The following CNGA3 variants were observed in gnomAD, a reference collection of about 807,000 sequenced individuals.
The protein encoded by CNGA3 is cyclic nucleotide gated channel subunit alpha 3.
CNGA3 carries 42 observed loss-of-function variants against 46.6 expected under a neutral mutation model. That is an observed-to-expected ratio of 0.90 (90% CI 0.70 to 1.17). The LOEUF (loss-of-function observed/expected upper bound fraction) is 1.17, where lower values mean the gene tolerates loss of function less well. Among genes scored for constraint, CNGA3 ranks in the 50% most tolerant of loss-of-function variants. CNGA3 has a pLI of 0.00. For synonymous variants in CNGA3, 394 were observed against 369.4 expected, an observed-to-expected ratio of 1.07 and a Z score of -0.76; for missense variants, 893 against 890.7, an observed-to-expected ratio of 1.00 and a Z score of -0.03.
chr2:98,384,824 T>G (rs369795272), intron 5 of CNGA3, among the ~76,000 whole-genome samples: 27 of 152,248 alleles, frequency 1.8e-4, no homozygotes, highest in African/African-American at 6.0e-4. Flanking sequence ...ACCCGGCTCT[T>G]CAATCTTTCA....
intron 1 of CNGA3, among the ~76,000 whole-genome samples, chr2:98,352,016 CCTT>C (rs540216317): frequency 4.1e-4 from 62 of 152,302 alleles, no homozygotes; most frequent in Middle Eastern, 6.8e-3. Flanking sequence ...TCCTCTTTCT[CCTT>C]CTCTCCACTC....
At chr2:98,356,559 G>T (rs1487121267) in intron 1 of CNGA3, among the ~76,000 whole-genome samples, 2 of 152,206 alleles carry the variant, frequency 1.3e-5, no homozygotes, top group Non-Finnish European at 2.9e-5. Flanking sequence ...CCCCAAGGAT[G>T]ATGATCATTC....
rs1055121240 is a variant in CNGA3 at position 98,389,828 on chromosome 2, C to A, written c.566+54C>A. 8.2e-6 allele frequency: 12 copies of A among 1,458,690 alleles called. 1 individual carries two copies. In the South Asian group the frequency reaches 1.4e-4, roughly 17 times the overall value. 90.4% of individuals were successfully genotyped at this position (1,458,690 alleles called of 1,614,324 possible). ...GAAAGGGGGAAACCAGGGCACCAGG[C>A]CCAGGAGCCAGAGCTCCACCTCTCC... On this transcript the variant is annotated intron_variant, in intron 6 of 7. Transcript: ENST00000272602.
intron 5 of CNGA3, among the ~76,000 whole-genome samples, chr2:98,389,426 C>T (rs974978861): frequency 2.0e-5 from 3 of 152,188 alleles, no homozygotes; most frequent in African/African-American, 7.2e-5. Flanking sequence ...TTATAGTCGA[C>T]CGTGACCTCC....
At chr2:98,359,214 C>T (rs531552616) in intron 1 of CNGA3, among the ~76,000 whole-genome samples, 2 of 152,338 alleles carry the variant, frequency 1.3e-5, no homozygotes, top group South Asian at 4.1e-4. Context: ...TTCCCTCAGG[C>T]TCCTGCTTCT....
At position 98,396,762 on chromosome 2, in the gene CNGA3, C is replaced by G. The variant is rs1321175890; in HGVS notation, c.1592C>G (p.Ala531Gly). The G allele has an allele frequency of 8.7e-6, 14 of 1,614,160 alleles. No homozygotes were observed. The highest frequency in any genetic ancestry group is 1.2e-5 in the Non-Finnish European group (14 of 1,180,038). Residue 531 changes from alanine (A) to glycine (G), a missense_variant, in exon 8 of 8, where the codon GCT (alanine) becomes GGT (glycine). Coordinates refer to ENST00000272602, the MANE Select transcript of CNGA3 (RefSeq NM_001298.3). ...IINEGKLAVVADDGVTQFVVL... is the reference protein window; with the variant it reads ...IINEGKLAVVGDDGVTQFVVL... The stretch of plus-strand genomic sequence containing the variant: ...AACGAGGGCAAGCTGGCCGTGGTGG[C>G]TGATGATGGGGTCACCCAGTTCGTG...
chr2:98,373,495 C>A (rs1008343326), intron 2 of CNGA3, among the ~76,000 whole-genome samples: 4 of 152,172 alleles, frequency 2.6e-5, no homozygotes, highest in African/African-American at 7.2e-5. Flanking sequence ...ATAGCCAAGT[C>A]TCTGTCCCCT....
At chr2:98,379,707 G>A (rs912435091) in intron 3 of CNGA3, among the ~76,000 whole-genome samples, 6 of 152,212 alleles carry the variant, frequency 3.9e-5, no homozygotes, top group African/African-American at 1.2e-4. Context: ...AAGCCTTGCT[G>A]TATCAGATCT....
intron 1 of CNGA3, 28 bp from the exon 2 acceptor site, chr2:98,369,911 A>T: frequency 4.3e-6 from 6 of 1,403,356 alleles, no homozygotes; most frequent in Non-Finnish European, 6.0e-6. Context: ...TGTCCTGATG[A>T]CGTGTCTGCT....
At chr2:98,394,539 T>C (rs554973252) in intron 7 of CNGA3, among the ~76,000 whole-genome samples, 24 of 152,350 alleles carry the variant, frequency 1.6e-4, no homozygotes, top group Non-Finnish European at 2.5e-4. Flanking sequence ...TGAATCCCCA[T>C]GTACCCTCAC....
chr2:98,361,562 G>T (rs571363693), intron 1 of CNGA3, among the ~76,000 whole-genome samples: 1 of 151,914 alleles, frequency 6.6e-6, no homozygotes, highest in African/African-American at 2.4e-5. Context: ...GGGATTACTG[G>T]GTCAAATGGT....
At chr2:98,377,283 C>T (rs536068088) in intron 2 of CNGA3, 8 of 211,858 alleles carry the variant, frequency 3.8e-5, no homozygotes, top group Admixed American at 3.6e-4. Context: ...TTCAATCTAG[C>T]CTCAGAAGAT....
chr2:98,396,475 G>A lies in CNGA3; in HGVS notation c.1305G>A (p.Thr435=), dbSNP rs150008953. The A allele has an allele frequency of 2.2e-5, 35 of 1,614,002 alleles. No homozygotes were observed. Among genetic ancestry groups the A allele is most frequent in the East Asian group, 1.8e-4 (8 of 44,862 alleles). ...GCAAGGTCACCAAGGACTTGGAGAC[G>A]CGGGTTATCCGGTGGTTTGACTACC... is the stretch of plus-strand genomic sequence containing the variant. ...QFRKVTKDLE[T]RVIRWFDYLW... Residue 435 remains threonine, a synonymous_variant, in exon 8 of 8, where the codon ACG becomes ACA. Coordinates refer to ENST00000272602, the MANE Select transcript of CNGA3 (RefSeq NM_001298.3).
chr2:98,356,125 G>C (rs1204526985), intron 1 of CNGA3: 2 of 152,226 alleles, frequency 1.3e-5, no homozygotes, highest in African/African-American at 4.8e-5. Flanking sequence ...GGGCATAAGG[G>C]AAAGGCAATT....
At chr2:98,385,631 T>A (rs1692637479) in intron 5 of CNGA3, among the ~76,000 whole-genome samples, 1 of 152,240 alleles carries the variant, frequency 6.6e-6, no homozygotes, top group African/African-American at 2.4e-5. Flanking sequence ...CCAACTCAGT[T>A]GCCTCAGAGC....
In CNGA3 at chr2:98,377,711, A is replaced by G. The variant is rs757201356; in HGVS notation, c.126A>G (p.Thr42=). Residue 42 remains threonine (T), a synonymous_variant, in exon 3 of 8, where the codon ACA becomes ACG. Transcript: ENST00000272602. ...GAGCCCACTCGTCAAGTGAGGAGACATCGTCAGTGCTGCAGCCGGGGATCG... is the reference window on the plus strand; with the variant it reads ...GAGCCCACTCGTCAAGTGAGGAGACGTCGTCAGTGCTGCAGCCGGGGATCG... ...LSRAHSSSEE[T]SSVLQPGIAM... The G allele has an allele frequency of 6.2e-7, 1 of 1,613,460 alleles. No individual in the cohort carries two copies. Among genetic ancestry groups the G allele is most frequent in the South Asian group, 1.1e-5 (1 of 90,966 alleles).
intron 7 of CNGA3, among the ~76,000 whole-genome samples, chr2:98,392,639 G>T (rs1433541056): frequency 6.6e-6 from 1 of 151,968 alleles, no homozygotes; most frequent in Non-Finnish European, 1.5e-5. Flanking sequence ...CAATCTCGAA[G>T]GACCCCTCCA....
intron 7 of CNGA3, among the ~76,000 whole-genome samples, chr2:98,394,362 A>C (rs937573634): frequency 2.0e-5 from 3 of 152,166 alleles, no homozygotes; most frequent in Non-Finnish European, 4.4e-5. Flanking sequence ...TTTGGGTAAC[A>C]GTCACGTGCA....
chr2:98,365,101 A>C (rs990197919), intron 1 of CNGA3, among the ~76,000 whole-genome samples: 1 of 151,046 alleles, frequency 6.6e-6, no homozygotes, highest in African/African-American at 2.4e-5. Flanking sequence ...GCAGTGGTGC[A>C]ATCTCAGCTC....
Sources: gnomAD v4.1 joint callset for allele counts (sites outside exome capture counted in the v4.1 genomes callset) on GRCh38, gnomAD v4.1.1 for gene constraint, MANE v1.5 for transcripts, NCBI Gene and HGNC (gene_info 2026-07-23, HGNC 2026-07-21) for gene names.